SCAPER: variants seen among roughly 807,000 people sequenced by gnomAD.
SCAPER encodes S phase cyclin A-associated protein in the endoplasmic reticulum.
Under a neutral mutation model 182.2 loss-of-function variants are expected in SCAPER, and 98 were observed. That is an observed-to-expected ratio of 0.54 (90% CI 0.46 to 0.64). The LOEUF (loss-of-function observed/expected upper bound fraction) is 0.64. Ranked by LOEUF, SCAPER falls within the 30% of genes least tolerant of loss-of-function variation. The pLI, the probability that SCAPER is intolerant of heterozygous loss-of-function variation, is 0.00. For missense variants in SCAPER, 1,432 were observed against 1,690.0 expected, an observed-to-expected ratio of 0.85 and a Z score of 2.68; for synonymous variants, 605 against 564.6, an observed-to-expected ratio of 1.07 and a Z score of -1.01.
At chr15:76,380,002 A>T (rs1342391260) in intron 28 of SCAPER, 1 of 152,272 alleles carries the variant, frequency 6.6e-6, no homozygotes, top group Non-Finnish European at 1.5e-5. Flanking sequence ...GCTAAGAGAC[A>T]GTTTTTAGAT....
At chr15:76,747,895 T>A (rs2061879723) in intron 15 of SCAPER, among the ~76,000 whole-genome samples, 1 of 152,194 alleles carries the variant, frequency 6.6e-6, no homozygotes, top group South Asian at 2.1e-4. Flanking sequence ...GCCTCAAGTA[T>A]TCCTTTATAG....
intron 20 of SCAPER, among the ~76,000 whole-genome samples, chr15:76,684,934 A>T (rs1267290648): frequency 1.3e-5 from 2 of 151,974 alleles, no homozygotes; most frequent in African/African-American, 2.4e-5. Flanking sequence ...TGATAACCAA[A>T]GATGACGCAA....
In SCAPER at chr15:76,443,137, T is replaced by C. The variant is rs75940720; in HGVS notation, c.3079-8827A>G. Reference sequence around the variant, plus strand: ...ACTCCCAGAGTTGGAAAGCCTAAAGTTGATTATCTAGTTCATCCTCCCAAA... The same window carrying C: ...ACTCCCAGAGTTGGAAAGCCTAAAGCTGATTATCTAGTTCATCCTCCCAAA... On this transcript the variant is annotated intron_variant, in intron 25 of 31. Transcript: ENST00000563290. Among the ~76,000 whole-genome samples the C allele has an allele frequency of 8.8e-3, 1,335 of 152,300 alleles. 8 individuals are homozygous for C. The highest frequency in any genetic ancestry group is 0.015 in the Non-Finnish European group (1,036 of 68,014).
At chr15:76,610,915 C>T in intron 22 of SCAPER, among the ~76,000 whole-genome samples, 1 of 152,088 alleles carries the variant, frequency 6.6e-6, no homozygotes, top group East Asian at 1.9e-4. Context: ...ATACAAATAA[C>T]AATTCTAAAA....
chr15:76,664,288 A>T (rs2056409544), intron 21 of SCAPER, among the ~76,000 whole-genome samples: 1 of 152,182 alleles, frequency 6.6e-6, no homozygotes, highest in Admixed American at 6.5e-5. Flanking sequence ...GCTTTGGATC[A>T]GGGGAAAGCA....
chr15:76,588,876 T>C (rs1257647738), intron 22 of SCAPER, among the ~76,000 whole-genome samples: 1 of 152,138 alleles, frequency 6.6e-6, no homozygotes, highest in East Asian at 1.9e-4. Flanking sequence ...GTAGGCTATG[T>C]CAGAGGGAAG....
intron 14 of SCAPER, among the ~76,000 whole-genome samples, chr15:76,759,675 G>A (rs2062660331): frequency 6.6e-6 from 1 of 152,108 alleles, no homozygotes; most frequent in Non-Finnish European, 1.5e-5. Flanking sequence ...TTTCATGAAA[G>A]GATATTGAAC....
intron 17 of SCAPER, among the ~76,000 whole-genome samples, chr15:76,709,661 T>C (rs374839940): frequency 6.6e-6 from 1 of 152,216 alleles, no homozygotes; most frequent in African/African-American, 2.4e-5. Flanking sequence ...ACCTATCTTA[T>C]GCAAATGATT....
At chr15:76,639,737 C>CA (rs1198474052) in intron 21 of SCAPER, among the ~76,000 whole-genome samples, 5 of 150,472 alleles carry the variant, frequency 3.3e-5, no homozygotes, top group Non-Finnish European at 7.4e-5. Context: ...CCCACATTCA[C>CA]AAAAAAGAAT....
intron 7 of SCAPER, among the ~76,000 whole-genome samples, chr15:76,799,464 T>C (rs1297822931): frequency 6.6e-6 from 1 of 150,944 alleles, no homozygotes; most frequent in Non-Finnish European, 1.5e-5. Context: ...GGTTTTGCCA[T>C]TTTTGCCAGG....
intron 25 of SCAPER, among the ~76,000 whole-genome samples, chr15:76,464,007 C>CTT (rs10630336): frequency 0.023 from 2,816 of 120,226 alleles, 110 homozygotes; most frequent in African/African-American, 0.039. Flanking sequence ...TTTCACTGGT[C>CTT]TTTTTTTTTT....
intron 20 of SCAPER, among the ~76,000 whole-genome samples, chr15:76,680,263 G>A (rs2057616862): frequency 1.3e-5 from 2 of 151,726 alleles, no homozygotes; most frequent in Admixed American, 6.6e-5. Context: ...ACAATACATA[G>A]GTTAAAAGTA....
intron 22 of SCAPER, among the ~76,000 whole-genome samples, chr15:76,621,548 C>T (rs1292266860): frequency 6.6e-6 from 1 of 152,184 alleles, no homozygotes; most frequent in East Asian, 1.9e-4. Context: ...CCACTTGATG[C>T]TAGCAGCCCC....
intron 26 of SCAPER, among the ~76,000 whole-genome samples, chr15:76,428,875 T>C (rs1317649472): frequency 1.5e-5 from 2 of 132,816 alleles, no homozygotes; most frequent in Admixed American, 7.4e-5. Flanking sequence ...ACTATATATA[T>C]ATATATATAT....
chr15:76,697,510 C>T (rs1436104109), intron 20 of SCAPER, among the ~76,000 whole-genome samples: 1 of 152,136 alleles, frequency 6.6e-6, no homozygotes, highest in East Asian at 1.9e-4. Flanking sequence ...TCCTTCTAAC[C>T]TTTTCTCACT....
intron 26 of SCAPER, among the ~76,000 whole-genome samples, chr15:76,406,518 T>C (rs911817511): frequency 2.6e-5 from 4 of 151,188 alleles, no homozygotes; most frequent in Non-Finnish European, 5.9e-5. Context: ...TAAAGTAGCT[T>C]ACGCTTGTAA....
At chr15:76,900,101 G>C (rs1158019848) in intron 1 of SCAPER, among the ~76,000 whole-genome samples, 1 of 152,082 alleles carries the variant, frequency 6.6e-6, no homozygotes, top group Non-Finnish European at 1.5e-5. Flanking sequence ...GATTAAGGGC[G>C]GCGCAAGATG....
At chr15:76,825,982 T>C (rs2151680571) in intron 5 of SCAPER, among the ~76,000 whole-genome samples, 1 of 152,244 alleles carries the variant, frequency 6.6e-6, no homozygotes, top group South Asian at 2.1e-4. Context: ...TGACCTTAGG[T>C]GATCCACCCA....
At chr15:76,891,429 C>T (rs531708734) in intron 1 of SCAPER, among the ~76,000 whole-genome samples, 3 of 152,252 alleles carry the variant, frequency 2.0e-5, no homozygotes, top group African/African-American at 7.2e-5. Flanking sequence ...CCCCATCATC[C>T]AAGCCCAAAA....
Sources: gnomAD v4.1 joint callset for allele counts (sites outside exome capture counted in the v4.1 genomes callset) on GRCh38, gnomAD v4.1.1 for gene constraint, MANE v1.5 for transcripts, NCBI Gene and HGNC (gene_info 2026-07-23, HGNC 2026-07-21) for gene names.